SUCLG2: variants seen among roughly 807,000 people sequenced by gnomAD.
SUCLG2 encodes the protein succinate-CoA ligase GDP-forming subunit beta, also known as succinate--CoA ligase [GDP-forming] subunit beta, mitochondrial.
A neutral mutation model predicts 47.9 loss-of-function variants in SUCLG2; 42 were observed. The ratio of observed to expected loss-of-function variants is 0.88; its 90% CI spans 0.69 to 1.14. SUCLG2 has a LOEUF of 1.14. SUCLG2 is among the 50% of genes most tolerant of loss of function. The pLI, the probability that SUCLG2 is intolerant of heterozygous loss-of-function variation, is 0.00. For synonymous variants in SUCLG2, 195 were observed against 197.3 expected, an observed-to-expected ratio of 0.99 and a Z score of 0.10; for missense variants, 571 against 525.9, an observed-to-expected ratio of 1.09 and a Z score of -0.84.
chr3:67,603,229 T>C (rs6548660), intron 2 of SUCLG2, among the ~76,000 whole-genome samples: 72,140 of 152,074 alleles, frequency 0.47, 17,783 homozygotes, highest in African/African-American at 0.6. Flanking sequence ...GTCATCTCAA[T>C]AAAAAGGATA....
intron 9 of SUCLG2, among the ~76,000 whole-genome samples, chr3:67,471,188 T>C (rs959427861): frequency 1.3e-5 from 2 of 152,174 alleles, no homozygotes; most frequent in African/African-American, 4.8e-5. Context: ...TACTGGTGAA[T>C]TGAGATGGTA....
intron 9 of SUCLG2, among the ~76,000 whole-genome samples, chr3:67,443,259 T>C (rs1468926038): frequency 4.6e-5 from 7 of 152,096 alleles, no homozygotes; most frequent in Non-Finnish European, 7.3e-5. Flanking sequence ...CCCAAGGATA[T>C]TGAGGAACTA....
chr3:67,529,765 G>T (rs181550962), intron 2 of SUCLG2, among the ~76,000 whole-genome samples: 6 of 152,306 alleles, frequency 3.9e-5, no homozygotes, highest in African/African-American at 1.2e-4. Flanking sequence ...TAAAATCATT[G>T]GCAAGGTAAC....
intron 2 of SUCLG2, among the ~76,000 whole-genome samples, chr3:67,553,507 A>ATT (rs973552410): frequency 6.6e-6 from 1 of 152,254 alleles, no homozygotes; most frequent in African/African-American, 2.4e-5. Context: ...AAATAATTCA[A>ATT]GTTAGATACA....
intron 9 of SUCLG2, among the ~76,000 whole-genome samples, chr3:67,429,393 G>A (rs1367949386): frequency 1.3e-5 from 2 of 152,166 alleles, no homozygotes; most frequent in Non-Finnish European, 2.9e-5. Context: ...TTACGGGCAA[G>A]CAAATGCTGA....
chr3:67,407,292 C>A (rs1014690566), intron 9 of SUCLG2, among the ~76,000 whole-genome samples: 4 of 152,172 alleles, frequency 2.6e-5, no homozygotes, highest in Admixed American at 2.0e-4. Flanking sequence ...ACCCCTCCTT[C>A]TTCATGTCAC....
chr3:67,517,835 T>C (rs1221989262), intron 6 of SUCLG2, among the ~76,000 whole-genome samples: 3 of 152,220 alleles, frequency 2.0e-5, no homozygotes, highest in Admixed American at 1.3e-4. Context: ...TAAGGACTTT[T>C]ACACATTATT....
At chr3:67,487,961 T>A (rs1425657613) in intron 9 of SUCLG2, among the ~76,000 whole-genome samples, 3 of 151,950 alleles carry the variant, frequency 2.0e-5, no homozygotes, top group African/African-American at 7.3e-5. Context: ...AACTTGTATA[T>A]CCATACAAGT....
chr3:67,431,474 A>T (rs541262622), intron 9 of SUCLG2, among the ~76,000 whole-genome samples: 1 of 152,264 alleles, frequency 6.6e-6, no homozygotes, highest in South Asian at 2.1e-4. Flanking sequence ...AATAGCAAAG[A>T]CTTGGAACCA....
chr3:67,380,585 G>A (rs1016560878), intron 10 of SUCLG2, among the ~76,000 whole-genome samples: 1 of 152,108 alleles, frequency 6.6e-6, no homozygotes, highest in Non-Finnish European at 1.5e-5. Flanking sequence ...TTTTTGAAGG[G>A]ATTCTCATAT....
chr3:67,623,362 G>A (rs537006292), intron 1 of SUCLG2, among the ~76,000 whole-genome samples: 2 of 152,206 alleles, frequency 1.3e-5, no homozygotes, highest in African/African-American at 4.8e-5. Context: ...TTAGCTGGGC[G>A]TGATGGCGGG....
At chr3:67,457,215 G>C (rs2106949311) in intron 9 of SUCLG2, among the ~76,000 whole-genome samples, 1 of 152,230 alleles carries the variant, frequency 6.6e-6, no homozygotes, top group South Asian at 2.1e-4. Context: ...TGAGTTTGTA[G>C]ACTCTAGTAT....
chr3:67,652,235 A>C (rs1701299442), intron 1 of SUCLG2, among the ~76,000 whole-genome samples: 1 of 151,788 alleles, frequency 6.6e-6, no homozygotes, highest in South Asian at 2.1e-4. Context: ...CATAGGGAGG[A>C]GGTAGACAAA....
intron 10 of SUCLG2, among the ~76,000 whole-genome samples, chr3:67,397,975 A>T (rs1189850522): frequency 6.6e-6 from 1 of 150,588 alleles, no homozygotes; most frequent in Admixed American, 6.6e-5. Flanking sequence ...ATATGTAGAA[A>T]GCTAAAACTG....
chr3:67,446,572 G>A (rs1166426073), intron 9 of SUCLG2, among the ~76,000 whole-genome samples: 1 of 151,248 alleles, frequency 6.6e-6, no homozygotes, highest in African/African-American at 2.4e-5. Context: ...TGGGACTACA[G>A]GCGCCTGCCA....
At chr3:67,416,546 C>T (rs1299756024) in intron 9 of SUCLG2, among the ~76,000 whole-genome samples, 4 of 151,986 alleles carry the variant, frequency 2.6e-5, no homozygotes, top group Non-Finnish European at 4.4e-5. Context: ...ATTTGGTATC[C>T]TATTAGAATC....
chr3:67,518,887 G>T (rs552419377), intron 5 of SUCLG2, among the ~76,000 whole-genome samples: 31 of 152,194 alleles, frequency 2.0e-4, no homozygotes, highest in African/African-American at 7.5e-4. Flanking sequence ...TGTGAACTTT[G>T]AAAACAGCTA....
intron 9 of SUCLG2, among the ~76,000 whole-genome samples, chr3:67,406,582 T>C (rs530203528): frequency 6.6e-6 from 1 of 152,012 alleles, no homozygotes; most frequent in Non-Finnish European, 1.5e-5. Flanking sequence ...CAGAATACCA[T>C]GTATACAGGT....
chr3:67,366,430 T>C (rs966958122), intron 10 of SUCLG2, among the ~76,000 whole-genome samples: 4 of 152,216 alleles, frequency 2.6e-5, no homozygotes, highest in African/African-American at 9.6e-5. Context: ...TGAGTAGTTC[T>C]AAGCATGTCT....
Sources: allele counts gnomAD v4.1 joint callset (sites outside exome capture counted in the v4.1 genomes callset), GRCh38; gene constraint gnomAD v4.1.1; transcripts MANE v1.5; gene names NCBI Gene and HGNC (gene_info 2026-07-23, HGNC 2026-07-21).